The following CDYL variants were observed in gnomAD, a reference collection of about 807,000 sequenced individuals.
The protein encoded by CDYL is chromodomain Y-like protein.
A neutral mutation model predicts 47.3 loss-of-function variants in CDYL; 8 were observed. That is an observed-to-expected ratio of 0.17 (90% CI 0.10 to 0.31). CDYL has a LOEUF of 0.31. Ranked by LOEUF, CDYL falls within the 10% of genes least tolerant of loss-of-function variation. The probability of loss-of-function intolerance (pLI) is 1.00; values close to 1 mark genes in which losing one functional copy is unlikely to be tolerated. For synonymous variants in CDYL, 266 were observed against 265.0 expected, an observed-to-expected ratio of 1.00 and a Z score of -0.04; for missense variants, 471 against 701.4, an observed-to-expected ratio of 0.67 and a Z score of 3.71.
intron 1 of CDYL, among the ~76,000 whole-genome samples, chr6:4,804,244 G>A (rs1043799941): frequency 2.0e-5 from 3 of 152,220 alleles, no homozygotes; most frequent in Middle Eastern, 3.4e-3. Context: ...CGCCCAGTCA[G>A]CCAACCTCCA....
Position 4,911,959 on chromosome 6 carries a change from C to T in CDYL, c.691+19580C>T, listed in dbSNP as rs568256364. 1.6e-4 allele frequency among the ~76,000 whole-genome samples: 25 copies of T among 152,352 alleles called. No homozygotes were observed. In the South Asian group the frequency reaches 4.3e-3, roughly 26 times the overall value. On this transcript the variant is annotated intron_variant, in intron 2 of 6. Coordinates refer to ENST00000397588, the MANE Select transcript of CDYL (RefSeq NM_004824.4). ...CAGAGAAAGAGACAAAACCGGTTAA[C>T]GGCCTGCAGGGCAGCCATACTAACC... is the stretch of plus-strand genomic sequence containing the variant.
Position 4,935,699 on chromosome 6 carries a change from C to T in CDYL, c.876C>T (p.Val292=), listed in dbSNP as rs531861093. 3.7e-6 allele frequency: 6 copies of T among 1,614,198 alleles called. No individual in the cohort carries two copies. In the African/African-American group the frequency reaches 5.3e-5, roughly 14 times the overall value. Residue 292 remains valine (V), a synonymous_variant, in exon 3 of 7, where the codon GTC becomes GTT. Transcript: ENST00000397588. ...CCTACAGATACAGAGATATTGTGGT[C>T]AGGAAGCAGGATGGCTTCACCCACA... The part of the protein sequence containing the change: ...ESAYRYRDIV[V]RKQDGFTHIL...
chr6:4,726,667 G>C (rs1424440266), intron 2 of CDYL, among the ~76,000 whole-genome samples: 1 of 151,202 alleles, frequency 6.6e-6, no homozygotes, highest in Non-Finnish European at 1.5e-5. Flanking sequence ...CTGCCTTCTA[G>C]TCCAGCCTGG....
intron 1 of CDYL, among the ~76,000 whole-genome samples, chr6:4,861,900 C>T (rs2127468900): frequency 6.6e-6 from 1 of 152,294 alleles, no homozygotes; most frequent in African/African-American, 2.4e-5. Context: ...GTTACAAAGA[C>T]CCATGACCAT....
At chr6:4,864,822 C>G (rs1761273335) in intron 1 of CDYL, among the ~76,000 whole-genome samples, 1 of 151,880 alleles carries the variant, frequency 6.6e-6, no homozygotes, top group African/African-American at 2.4e-5. Context: ...TTCTCAGTTT[C>G]AGGTATGTCT....
chr6:4,723,706 C>T (rs1582280851), intron 2 of CDYL, among the ~76,000 whole-genome samples: 1 of 152,270 alleles, frequency 6.6e-6, no homozygotes, highest in Non-Finnish European at 1.5e-5. Flanking sequence ...GTCAGCACCC[C>T]AAGCCACAGA....
chr6:4,908,739 A>G (rs1270516169), intron 2 of CDYL, among the ~76,000 whole-genome samples: 1 of 152,188 alleles, frequency 6.6e-6, no homozygotes, highest in East Asian at 1.9e-4. Flanking sequence ...GAGAACCAGT[A>G]GCCCACAGGC....
chr6:4,854,913 G>A (rs1302081161), intron 1 of CDYL, among the ~76,000 whole-genome samples: 1 of 152,196 alleles, frequency 6.6e-6, no homozygotes, highest in Non-Finnish European at 1.5e-5. Flanking sequence ...CCTGATAATT[G>A]TCAGCCAAGA....
chr6:4,722,501 TAA>T (rs1757389556), intron 2 of CDYL, among the ~76,000 whole-genome samples: 1 of 152,206 alleles, frequency 6.6e-6, no homozygotes. Context: ...TAAAGATTTT[TAA>T]AAAGAGTACG....
At chr6:4,900,779 G>GTATATATATATA (rs59594195) in intron 2 of CDYL, among the ~76,000 whole-genome samples, 9 of 51,648 alleles carry the variant, frequency 1.7e-4, no homozygotes, top group African/African-American at 3.2e-4. Flanking sequence ...GTATACGTGT[G>GTATATATATATA]TATATATATA....
intron 1 of CDYL, among the ~76,000 whole-genome samples, chr6:4,854,767 G>A (rs1024805532): frequency 1.3e-5 from 2 of 152,134 alleles, no homozygotes; most frequent in African/African-American, 2.4e-5. Context: ...GGGTGACGTC[G>A]AAACAAAAAC....
chr6:4,857,033 G>A (rs1196987103), intron 1 of CDYL, among the ~76,000 whole-genome samples: 1 of 152,182 alleles, frequency 6.6e-6, no homozygotes, highest in Admixed American at 6.5e-5. Context: ...TAAGAGAAAG[G>A]CAACTTGCCT....
At chr6:4,944,120 A>G (rs1256044331) in intron 5 of CDYL, among the ~76,000 whole-genome samples, 1 of 152,226 alleles carries the variant, frequency 6.6e-6, no homozygotes, top group Non-Finnish European at 1.5e-5. Context: ...ATAGGATTAG[A>G]GGGTTGTCGT....
chr6:4,723,700 G>A (rs1157061142), intron 2 of CDYL, among the ~76,000 whole-genome samples: 1 of 152,178 alleles, frequency 6.6e-6, no homozygotes, highest in Non-Finnish European at 1.5e-5. Flanking sequence ...TCGCCTGTCA[G>A]CACCCCAAGC....
intron 3 of CDYL, among the ~76,000 whole-genome samples, chr6:4,769,341 A>G (rs1405732189): frequency 6.6e-6 from 1 of 152,204 alleles, no homozygotes; most frequent in Non-Finnish European, 1.5e-5. Flanking sequence ...GAAAAACATC[A>G]ACAACTAAAT....
intron 1 of CDYL, 79 bp downstream of exon 1, chr6:4,776,886 G>C (rs1319196087): frequency 3.1e-6 from 2 of 648,458 alleles, no homozygotes; most frequent in Non-Finnish European, 3.8e-6. Context: ...CGACGGCCCC[G>C]CTCGCCGCCC....
intron 2 of CDYL, among the ~76,000 whole-genome samples, chr6:4,911,118 G>A (rs755549732): frequency 2.0e-5 from 3 of 152,152 alleles, no homozygotes; most frequent in African/African-American, 4.8e-5. Context: ...GAGCCACTGC[G>A]CCCAGCCGAA....
chr6:4,745,507 TGGGCAGAAAAGATCACTTGA>T (rs1249895046), intron 3 of CDYL, among the ~76,000 whole-genome samples: 1 of 151,246 alleles, frequency 6.6e-6, no homozygotes, highest in Non-Finnish European at 1.5e-5. Flanking sequence ...GAGGCTGAGG[TGGGCAGAAAAGATCACTTGA>T]GGTCAGGAAT....
chr6:4,803,832 T>C (rs1174017097), intron 1 of CDYL, among the ~76,000 whole-genome samples: 1 of 151,876 alleles, frequency 6.6e-6, no homozygotes, highest in East Asian at 1.9e-4. Context: ...AGTTAAAAGA[T>C]ATTTTATCCA....
Sources: gnomAD v4.1 joint callset for allele counts (sites outside exome capture counted in the v4.1 genomes callset) on GRCh38, gnomAD v4.1.1 for gene constraint, MANE v1.5 for transcripts, NCBI Gene and HGNC (gene_info 2026-07-23, HGNC 2026-07-21) for gene names.